Variants in STAMBP observed in about 807,000 individuals in gnomAD.
STAMBP encodes STAM binding protein, also known as STAM-binding protein.
Under a neutral mutation model 50.7 loss-of-function variants are expected in STAMBP, and 31 were observed. The observed-to-expected ratio is 0.61, with a 90% CI of 0.46 to 0.83. STAMBP has a LOEUF of 0.83. Ranked by LOEUF, STAMBP falls within the 40% of genes least tolerant of loss-of-function variation. The pLI is 0.00. For missense variants in STAMBP, 472 were observed against 518.9 expected, an observed-to-expected ratio of 0.91 and a Z score of 0.88; for synonymous variants, 211 against 192.4, an observed-to-expected ratio of 1.10 and a Z score of -0.80.
chr2:73,859,405 G>A, intron 8 of STAMBP, 39 bp downstream of exon 8: 2 of 1,527,410 alleles, frequency 1.3e-6, no homozygotes, highest in Non-Finnish European at 1.8e-6. Flanking sequence ...TTTCAAGGGG[G>A]TAGTAGGGAA....
chr2:73,844,942 T>C, intron 3 of STAMBP, 54 bp downstream of exon 3: 1 of 1,591,282 alleles, frequency 6.3e-7, no homozygotes, highest in Non-Finnish European at 8.5e-7. Flanking sequence ...CAGCACAGAC[T>C]GACTTCAAGA....
chr2:73,851,387 A>G (rs1338175604), intron 7 of STAMBP, among the ~76,000 whole-genome samples: 1 of 152,250 alleles, frequency 6.6e-6, no homozygotes, highest in Non-Finnish European at 1.5e-5. Context: ...AGGAGATTAA[A>G]TAAATAGACA....
At chr2:73,854,010 G>C (rs1445226662) in intron 7 of STAMBP, among the ~76,000 whole-genome samples, 1 of 152,174 alleles carries the variant, frequency 6.6e-6, no homozygotes. Context: ...CCACATTCTT[G>C]TGTGTAGTTT....
chr2:73,844,959 T>C, intron 3 of STAMBP, 71 bp downstream of exon 3: 1 of 1,568,350 alleles, frequency 6.4e-7, no homozygotes, highest in Non-Finnish European at 8.6e-7. Context: ...AAGATAAAAG[T>C]AGTAGTCTCT....
intron 2 of STAMBP, among the ~76,000 whole-genome samples, chr2:73,834,227 AAAAAAAAAAATATATATATAT>A (rs1252880095): frequency 2.8e-4 from 7 of 25,284 alleles, no homozygotes; most frequent in African/African-American, 8.9e-4. Context: ...AAAAAAAAAA[AAAAAAAAAAATATATATATAT>A]ATATATATAT....
At chr2:73,871,408 CGTG>C (rs1679193018), downstream of STAMBP, among the ~76,000 whole-genome samples, 1 of 151,810 alleles carries the variant, frequency 6.6e-6, no homozygotes, top group African/African-American at 2.4e-5. Flanking sequence ...ATTAGCCAGG[CGTG>C]GTGGTGGGTG....
intron 8 of STAMBP, among the ~76,000 whole-genome samples, chr2:73,859,845 A>T (rs564242173): frequency 1.4e-4 from 21 of 152,148 alleles, no homozygotes; most frequent in African/African-American, 4.8e-4. Context: ...CTCCAGCAAA[A>T]CTAGTGTGAT....
chr2:73,851,195 A>G (rs1676760878), intron 7 of STAMBP, among the ~76,000 whole-genome samples: 1 of 152,194 alleles, frequency 6.6e-6, no homozygotes, highest in African/African-American at 2.4e-5. Context: ...GGAAAGACTG[A>G]CCTGTGAGGC....
At chr2:73,870,526 G>T (rs1178131951), downstream of STAMBP, among the ~76,000 whole-genome samples, 1 of 152,178 alleles carries the variant, frequency 6.6e-6, no homozygotes, top group African/African-American at 2.4e-5. Flanking sequence ...TCCCACCGTG[G>T]CCCAGGGTTA....
exon 11 of STAMBP, chr2:73,873,437 CA>C (rs375723393): frequency 5.3e-5 from 8 of 152,310 alleles, no homozygotes; most frequent in African/African-American, 1.9e-4. Flanking sequence ...GCAGTAACCA[CA>C]AAAGTTTCTG....
chr2:73,831,149 T>C (rs1222646998), intron 2 of STAMBP, 90 bp downstream of exon 2: 3 of 1,033,858 alleles, frequency 2.9e-6, no homozygotes, highest in East Asian at 2.4e-5. Flanking sequence ...AACTTCACAA[T>C]ATCATCAACA....
intron 7 of STAMBP, among the ~76,000 whole-genome samples, chr2:73,857,254 A>C (rs964572189): frequency 6.6e-6 from 1 of 152,126 alleles, no homozygotes; most frequent in Admixed American, 6.6e-5. Context: ...GCCTTCTCGC[A>C]TCAAGGCTCT....
chr2:73,834,209 TAAAAAAAAAAAAAAAAAA>T (rs1171586160), intron 2 of STAMBP, among the ~76,000 whole-genome samples: 13 of 8,562 alleles, frequency 1.5e-3, no homozygotes, highest in African/African-American at 3.6e-3. Context: ...GATCATGTCT[TAAAAAAAAAAAAAAAAAA>T]AAAAAAAAAA....
Position 73,844,952 on chromosome 2 carries a change from A to G in STAMBP, c.279+64A>G, listed in dbSNP as rs1008342115. ...CAGAGCAGCACAGACTGACTTCAAG[A>G]TAAAAGTAGTAGTCTCTGCATCTGA... On this transcript the variant is annotated intron_variant, in intron 3 of 9. Coordinates refer to ENST00000394070, the MANE Select transcript of STAMBP (RefSeq NM_213622.4). The G allele has an allele frequency of 3.2e-6, 5 of 1,580,930 alleles. No individual in the cohort carries two copies. The African/African-American group carries it at 6.8e-5, about 22-fold the overall frequency.
In STAMBP at chr2:73,849,592, T is replaced by C. The variant is rs1019254375; in HGVS notation, c.867+105T>C. Reference sequence around the variant, plus strand: ...AAAATATCCAGGGTCAGTTACTCTTTGTACCAAGGAACCGTGGACTGCATA... The same window carrying C: ...AAAATATCCAGGGTCAGTTACTCTTCGTACCAAGGAACCGTGGACTGCATA... On this transcript the variant is annotated intron_variant, in intron 6 of 9. Coordinates refer to ENST00000394070, the MANE Select transcript of STAMBP (RefSeq NM_213622.4). 2.7e-5 allele frequency: 38 copies of C among 1,422,322 alleles called. No homozygotes were observed. The African/African-American group carries it at 4.6e-4, about 17-fold the overall frequency. 88.1% of individuals were successfully genotyped at this position (1,422,322 alleles called of 1,614,324 possible).
downstream of STAMBP, among the ~76,000 whole-genome samples, chr2:73,869,813 G>A (rs1326827419): frequency 2.0e-5 from 3 of 152,164 alleles, no homozygotes; most frequent in Non-Finnish European, 2.9e-5. Context: ...TTAAGAATCA[G>A]CAAACTTTAT....
intron 2 of STAMBP, among the ~76,000 whole-genome samples, chr2:73,836,377 C>T (rs554152873): frequency 1.6e-4 from 25 of 152,328 alleles, no homozygotes; most frequent in Middle Eastern, 6.8e-3. Context: ...TCTGGAGGCT[C>T]CCGGCAGCCT....
intron 7 of STAMBP, among the ~76,000 whole-genome samples, chr2:73,855,877 C>T (rs910392981): frequency 6.6e-6 from 1 of 152,152 alleles, no homozygotes; most frequent in Non-Finnish European, 1.5e-5. Context: ...TGTCAAGCTC[C>T]TCAGGAGATT....
intron 5 of STAMBP, among the ~76,000 whole-genome samples, chr2:73,848,559 T>TAATTTATAATGAACATA (rs2104517550): frequency 6.6e-6 from 1 of 152,360 alleles, no homozygotes; most frequent in Admixed American, 6.5e-5. Flanking sequence ...TGAGGCTGGA[T>TAATTTATAATGAACATA]AATTTATAAT....
Sources: gnomAD v4.1 joint callset for allele counts (sites outside exome capture counted in the v4.1 genomes callset) on GRCh38, gnomAD v4.1.1 for gene constraint, MANE v1.5 for transcripts, NCBI Gene and HGNC (gene_info 2026-07-23, HGNC 2026-07-21) for gene names.